SPOCK1: variants seen among roughly 807,000 people sequenced by gnomAD.
SPOCK1 encodes SPARC (osteonectin), cwcv and kazal like domains proteoglycan 1.
A neutral mutation model predicts 55.3 loss-of-function variants in SPOCK1; 23 were observed. The observed-to-expected ratio is 0.42, with a 90% CI of 0.30 to 0.59. The LOEUF is 0.59. Among genes scored for constraint, SPOCK1 ranks in the 20% least tolerant of loss-of-function variants. The pLI is 0.22. For missense variants in SPOCK1, 499 were observed against 552.5 expected (o/e 0.90, Z 0.97); for synonymous variants, 226 against 221.0 (o/e 1.02, Z -0.20).
intron 2 of SPOCK1, among the ~76,000 whole-genome samples, chr5:137,372,080 C>T (rs1487377280): frequency 1.3e-5 from 2 of 152,328 alleles, no homozygotes; most frequent in Non-Finnish European, 2.9e-5. Flanking sequence ...AATGATCTTT[C>T]ATCCTAAGGC....
intron 2 of SPOCK1, among the ~76,000 whole-genome samples, chr5:137,353,839 C>A (rs1750733133): frequency 6.6e-6 from 1 of 152,120 alleles, no homozygotes; most frequent in Admixed American, 6.5e-5. Context: ...CCCTGGCAGA[C>A]CCATCCACTT....
At chr5:137,422,710 C>G (rs1392169875) in intron 2 of SPOCK1, among the ~76,000 whole-genome samples, 1 of 152,178 alleles carries the variant, frequency 6.6e-6, no homozygotes, top group Non-Finnish European at 1.5e-5. Flanking sequence ...AGGTTTTTAA[C>G]TTCTTTGCCA....
At chr5:137,209,111 A>G (rs1276826016) in intron 3 of SPOCK1, among the ~76,000 whole-genome samples, 1 of 152,206 alleles carries the variant, frequency 6.6e-6, no homozygotes, top group African/African-American at 2.4e-5. Context: ...CACACTCAAC[A>G]AATGTTATTT....
At chr5:137,475,776 T>C (rs1753826122) in intron 2 of SPOCK1, among the ~76,000 whole-genome samples, 1 of 152,156 alleles carries the variant, frequency 6.6e-6, no homozygotes, top group East Asian at 1.9e-4. Context: ...GGTCTCATTA[T>C]GTGGCCCAGG....
At chr5:137,433,907 A>G (rs1752801773) in intron 2 of SPOCK1, among the ~76,000 whole-genome samples, 1 of 152,224 alleles carries the variant, frequency 6.6e-6, no homozygotes, top group African/African-American at 2.4e-5. Flanking sequence ...AAAAGTATTC[A>G]ATTGAGTACC....
chr5:137,303,066 G>A (rs1363128329), intron 2 of SPOCK1, among the ~76,000 whole-genome samples: 1 of 152,192 alleles, frequency 6.6e-6, no homozygotes, highest in Non-Finnish European at 1.5e-5. Flanking sequence ...CTAGTGAGGA[G>A]TGCAAACTGA....
intron 6 of SPOCK1, among the ~76,000 whole-genome samples, chr5:136,995,781 C>T (rs914859884): frequency 6.6e-6 from 1 of 152,168 alleles, no homozygotes; most frequent in Admixed American, 6.5e-5. Flanking sequence ...GTACACAAGT[C>T]TTGGATGTCT....
chr5:137,160,107 C>T (rs1754496635), intron 3 of SPOCK1, among the ~76,000 whole-genome samples: 2 of 151,710 alleles, frequency 1.3e-5, no homozygotes, highest in Non-Finnish European at 2.9e-5. Flanking sequence ...TTTTATCCCT[C>T]ACGCCCTTCC....
rs535504820 is a variant in SPOCK1 at position 137,213,372 on chromosome 5, C to T, written c.232+53638G>A. Among the ~76,000 whole-genome samples, 10 of 152,348 alleles carry T rather than the reference C, an allele frequency of 6.6e-5. No homozygotes were observed. In the South Asian group the frequency reaches 1.9e-3, roughly 28 times the overall value. On this transcript the variant is annotated intron_variant, in intron 3 of 10. Coordinates refer to ENST00000394945, the MANE Select transcript of SPOCK1 (RefSeq NM_004598.4). Reference sequence around the variant, plus strand: ...TCATAGATTCTGCACACTGACTATACTGACAACAACACTATCAAGAACTCA... The same window carrying T: ...TCATAGATTCTGCACACTGACTATATTGACAACAACACTATCAAGAACTCA...
At chr5:137,013,272 T>C (rs1410759836) in intron 6 of SPOCK1, among the ~76,000 whole-genome samples, 1 of 152,208 alleles carries the variant, frequency 6.6e-6, no homozygotes, top group Non-Finnish European at 1.5e-5. Flanking sequence ...ATGTATGTGG[T>C]ATAAGACAAA....
At chr5:136,998,274 A>G (rs1185114311) in intron 6 of SPOCK1, among the ~76,000 whole-genome samples, 1 of 152,216 alleles carries the variant, frequency 6.6e-6, no homozygotes, top group Non-Finnish European at 1.5e-5. Flanking sequence ...ACAGGTTGCA[A>G]TATCTGTCTG....
At chr5:137,489,679 A>G (rs972472270) in intron 2 of SPOCK1, among the ~76,000 whole-genome samples, 4 of 152,218 alleles carry the variant, frequency 2.6e-5, no homozygotes, top group Non-Finnish European at 5.9e-5. Context: ...CTGCCCCCAA[A>G]TGTGTGTTAA....
chr5:137,112,848 A>C (rs1182473332), intron 4 of SPOCK1, among the ~76,000 whole-genome samples: 1 of 151,804 alleles, frequency 6.6e-6, no homozygotes, highest in Non-Finnish European at 1.5e-5. Context: ...CACAGAAAAA[A>C]AAAGAAAAAA....
At chr5:137,069,301 A>G (rs1752565552) in intron 5 of SPOCK1, among the ~76,000 whole-genome samples, 1 of 152,208 alleles carries the variant, frequency 6.6e-6, no homozygotes, top group African/African-American at 2.4e-5. Context: ...AACAGAGCAA[A>G]CCTACAGAAT....
chr5:137,265,537 A>G (rs535846304), intron 3 of SPOCK1, among the ~76,000 whole-genome samples: 1 of 152,334 alleles, frequency 6.6e-6, no homozygotes, highest in Non-Finnish European at 1.5e-5. Flanking sequence ...TTATCCTATT[A>G]AAAAGTTTTA....
chr5:137,141,728 C>T (rs1429342387), intron 3 of SPOCK1, among the ~76,000 whole-genome samples: 1 of 152,116 alleles, frequency 6.6e-6, no homozygotes, highest in Non-Finnish European at 1.5e-5. Flanking sequence ...AAATGCAATC[C>T]AGTCAGAGTG....
chr5:137,214,868 C>T (rs1685117747), intron 3 of SPOCK1, among the ~76,000 whole-genome samples: 1 of 152,158 alleles, frequency 6.6e-6, no homozygotes, highest in Non-Finnish European at 1.5e-5. Context: ...CACTCCTATG[C>T]ATATTTTTTA....
chr5:137,484,324 G>T (rs537254050), intron 2 of SPOCK1, among the ~76,000 whole-genome samples: 1 of 152,210 alleles, frequency 6.6e-6, no homozygotes, highest in African/African-American at 2.4e-5. Context: ...CCAAGGCCAG[G>T]CACTAGCATG....
At chr5:137,132,784 TTTTTTTGTTG>T (rs1753909360) in intron 4 of SPOCK1, among the ~76,000 whole-genome samples, 1 of 152,118 alleles carries the variant, frequency 6.6e-6, no homozygotes, top group South Asian at 2.1e-4. Flanking sequence ...CTGGAAGCGC[TTTTTTTGTTG>T]TTTTTTGTTG....
Sources: gnomAD v4.1 joint callset for allele counts (sites outside exome capture counted in the v4.1 genomes callset) on GRCh38, gnomAD v4.1.1 for gene constraint, MANE v1.5 for transcripts, NCBI Gene and HGNC (gene_info 2026-07-23, HGNC 2026-07-21) for gene names.